Variants in SLC24A3 observed in about 807,000 individuals in gnomAD.
The protein encoded by SLC24A3 is sodium/potassium/calcium exchanger 3.
In SLC24A3, 28 loss-of-function variants were observed where a neutral mutation model predicts 75.8. That is an observed-to-expected ratio of 0.37 (90% CI 0.27 to 0.51). The LOEUF (loss-of-function observed/expected upper bound fraction) is 0.51, where lower values mean the gene tolerates loss of function less well. SLC24A3 is among the 20% of genes least tolerant of loss of function. The pLI is 0.94. For synonymous variants in SLC24A3, 372 were observed against 334.1 expected (o/e 1.11, Z -1.24); for missense variants, 663 against 847.8 (o/e 0.78, Z 2.71).
At chr20:19,576,690 G>A (rs79937480) in intron 3 of SLC24A3, among the ~76,000 whole-genome samples, 2,796 of 152,194 alleles carry the variant, frequency 0.018, 85 homozygotes, top group African/African-American at 0.062. Context: ...CATCCCCCTC[G>A]AAGCGTGGAT....
chr20:19,352,836 T>A (rs1328242228), intron 2 of SLC24A3, among the ~76,000 whole-genome samples: 1 of 152,232 alleles, frequency 6.6e-6, no homozygotes, highest in Admixed American at 6.5e-5. Flanking sequence ...TTGTCATGTG[T>A]CTTGTACCAA....
At chr20:19,411,253 G>C (rs1273897735) in intron 2 of SLC24A3, among the ~76,000 whole-genome samples, 1 of 152,110 alleles carries the variant, frequency 6.6e-6, no homozygotes, top group East Asian at 1.9e-4. Context: ...TTCCCAAATA[G>C]GTGTTACCCA....
chr20:19,435,925 G>A (rs1600480464), intron 2 of SLC24A3, among the ~76,000 whole-genome samples: 1 of 152,106 alleles, frequency 6.6e-6, no homozygotes, highest in African/African-American at 2.4e-5. Context: ...CTTGTCTCTT[G>A]GGTCTGCAGC....
At chr20:19,394,215 A>G (rs1350967696) in intron 2 of SLC24A3, among the ~76,000 whole-genome samples, 1 of 152,216 alleles carries the variant, frequency 6.6e-6, no homozygotes, top group Admixed American at 6.5e-5. Flanking sequence ...GTCAAAATGA[A>G]TCAAAGACCT....
chr20:19,498,901 C>T (rs1269593309), intron 2 of SLC24A3, among the ~76,000 whole-genome samples: 1 of 152,262 alleles, frequency 6.6e-6, no homozygotes, highest in Non-Finnish European at 1.5e-5. Flanking sequence ...TCCTGGCACT[C>T]TCTTGGCGTG....
intron 1 of SLC24A3, among the ~76,000 whole-genome samples, chr20:19,230,799 C>T (rs898572014): frequency 6.6e-6 from 1 of 152,138 alleles, no homozygotes; most frequent in African/African-American, 2.4e-5. Context: ...GGCATTCATC[C>T]ACACTCAGCT....
intron 6 of SLC24A3, among the ~76,000 whole-genome samples, chr20:19,617,670 G>A (rs2031753460): frequency 1.3e-5 from 2 of 152,104 alleles, no homozygotes; most frequent in Non-Finnish European, 2.9e-5. Flanking sequence ...CTGGAGCCAG[G>A]GACTGTTCCC....
At chr20:19,612,249 A>G (rs1402249234) in intron 6 of SLC24A3, among the ~76,000 whole-genome samples, 1 of 152,088 alleles carries the variant, frequency 6.6e-6, no homozygotes, top group Non-Finnish European at 1.5e-5. Context: ...CCCATATCCC[A>G]TGTCAAAGCT....
intron 2 of SLC24A3, among the ~76,000 whole-genome samples, chr20:19,424,012 T>A (rs1986959284): frequency 6.6e-6 from 1 of 150,766 alleles, no homozygotes; most frequent in Admixed American, 6.6e-5. Context: ...AAGGAAGGAA[T>A]CCCTTAATGG....
chr20:19,352,083 G>T (rs1057415484), intron 2 of SLC24A3, among the ~76,000 whole-genome samples: 7 of 151,920 alleles, frequency 4.6e-5, no homozygotes, highest in Non-Finnish European at 7.4e-5. Flanking sequence ...GGAGGATGAG[G>T]GGGTAGCAGG....
intron 6 of SLC24A3, among the ~76,000 whole-genome samples, chr20:19,647,106 C>T (rs1278055781): frequency 6.6e-6 from 1 of 152,086 alleles, no homozygotes; most frequent in Non-Finnish European, 1.5e-5. Flanking sequence ...CAGCTCTCAA[C>T]CAATGACCGA....
intron 2 of SLC24A3, among the ~76,000 whole-genome samples, chr20:19,460,342 G>A (rs935616800): frequency 6.6e-6 from 1 of 152,066 alleles, no homozygotes; most frequent in Non-Finnish European, 1.5e-5. Context: ...CTGCCTGTTT[G>A]ACCAACTATG....
chr20:19,461,941 C>T (rs541318715), intron 2 of SLC24A3, among the ~76,000 whole-genome samples: 26 of 152,306 alleles, frequency 1.7e-4, no homozygotes, highest in Non-Finnish European at 3.1e-4. Context: ...TCAGGTTAAA[C>T]AAATATTCAG....
intron 4 of SLC24A3, among the ~76,000 whole-genome samples, chr20:19,581,629 G>A (rs1269447474): frequency 1.3e-5 from 2 of 152,204 alleles, no homozygotes. Flanking sequence ...AAACAGTGTG[G>A]TGTGACTATG....
intron 3 of SLC24A3, among the ~76,000 whole-genome samples, chr20:19,574,195 A>G (rs1013817631): frequency 6.6e-6 from 1 of 152,210 alleles, no homozygotes; most frequent in African/African-American, 2.4e-5. Flanking sequence ...CATGCTTTAA[A>G]CATATAAATG....
intron 3 of SLC24A3, among the ~76,000 whole-genome samples, chr20:19,569,081 G>C (rs184555899): frequency 1.3e-5 from 2 of 152,094 alleles, no homozygotes; most frequent in Non-Finnish European, 2.9e-5. Context: ...AGAAAGAGTG[G>C]GTCAGGGAAC....
chr20:19,702,690 G>GA (rs889106029), intron 15 of SLC24A3, among the ~76,000 whole-genome samples: 1 of 152,026 alleles, frequency 6.6e-6, no homozygotes, highest in Non-Finnish European at 1.5e-5. Context: ...TTTGAAAGTA[G>GA]AAAATCAGTA....
intron 6 of SLC24A3, among the ~76,000 whole-genome samples, chr20:19,627,225 CTGTGT>C (rs1444244439): frequency 6.6e-6 from 1 of 152,188 alleles, no homozygotes; most frequent in African/African-American, 2.4e-5. Context: ...ATGTATCTGT[CTGTGT>C]TGTTTCTTAG....
At chr20:19,622,463 G>T (rs1261265718) in intron 6 of SLC24A3, among the ~76,000 whole-genome samples, 1 of 152,152 alleles carries the variant, frequency 6.6e-6, no homozygotes, top group African/African-American at 2.4e-5. Context: ...CACCCTTTGA[G>T]GTTGAGTTTC....
Sources: gnomAD v4.1 joint callset for allele counts (sites outside exome capture counted in the v4.1 genomes callset) on GRCh38, gnomAD v4.1.1 for gene constraint, MANE v1.5 for transcripts, NCBI Gene and HGNC (gene_info 2026-07-23, HGNC 2026-07-21) for gene names.